Variants in COPG2 observed in about 807,000 individuals in gnomAD.
COPG2 encodes the protein coat protein complex I subunit gamma 2.
A neutral mutation model predicts 46.3 loss-of-function variants in COPG2; 37 were observed. The observed-to-expected ratio is 0.80, with a 90% confidence interval of 0.61 to 1.05. The LOEUF (loss-of-function observed/expected upper bound fraction) is 1.05, where lower values mean the gene tolerates loss of function less well. Among genes scored for constraint, COPG2 ranks in the 50% least tolerant of loss-of-function variants. The pLI, the probability that COPG2 is intolerant of heterozygous loss-of-function variation, is 0.00. For synonymous variants in COPG2, 159 were observed against 129.7 expected (o/e 1.23, Z -1.53); for missense variants, 427 against 387.8 (o/e 1.10, Z -0.85).
At chr7:130,654,912 CT>C (rs1554459682) in intron 4 of COPG2, among the ~76,000 whole-genome samples, 1 of 151,350 alleles carries the variant, frequency 6.6e-6, no homozygotes, top group East Asian at 1.9e-4. Flanking sequence ...TTATATATTT[CT>C]TTTCTTTTTT....
intron 10 of COPG2, among the ~76,000 whole-genome samples, 162 bp from the exon 11 acceptor site, chr7:130,563,498 C>T (rs901289409): frequency 6.6e-6 from 1 of 151,852 alleles, no homozygotes; most frequent in African/African-American, 2.4e-5. Flanking sequence ...TTCCTTATCT[C>T]ATCATATACC....
At chr7:130,516,257 TAAAG>T (rs1330386569) in intron 20 of COPG2, among the ~76,000 whole-genome samples, 3 of 151,844 alleles carry the variant, frequency 2.0e-5, no homozygotes, top group African/African-American at 7.3e-5. Flanking sequence ...TGATGGAAAA[TAAAG>T]AAGCCAGGTT....
At chr7:130,641,600 TTAAC>T (rs1485452151) in intron 5 of COPG2, among the ~76,000 whole-genome samples, 2 of 152,172 alleles carry the variant, frequency 1.3e-5, no homozygotes, top group African/African-American at 2.4e-5. Flanking sequence ...ACTTTTAAAA[TTAAC>T]TAAGTAAGAA....
intron 9 of COPG2, among the ~76,000 whole-genome samples, chr7:130,581,984 T>C (rs1212366043): frequency 6.6e-6 from 1 of 152,044 alleles, no homozygotes; most frequent in Non-Finnish European, 1.5e-5. Context: ...CTTCACAGAA[T>C]TGGAAAAAAC....
At chr7:130,552,658 G>C (rs1310243029) in intron 14 of COPG2, among the ~76,000 whole-genome samples, 1 of 152,060 alleles carries the variant, frequency 6.6e-6, no homozygotes, top group Non-Finnish European at 1.5e-5. Flanking sequence ...TGAGGAAAAA[G>C]ATTCATATAG....
chr7:130,633,674 G>T (rs782088715), intron 5 of COPG2, among the ~76,000 whole-genome samples: 22 of 152,152 alleles, frequency 1.4e-4, no homozygotes, highest in Non-Finnish European at 2.4e-4. Context: ...TAGGTTGCCT[G>T]TTCACTCTGA....
chr7:130,610,400 A>C, intron 9 of COPG2: 1 of 368,218 alleles, frequency 2.7e-6, no homozygotes, highest in Non-Finnish European at 5.3e-6. Context: ...GCCACATAAG[A>C]AATCTTTGTT....
chr7:130,574,877 A>C (rs1793976462), intron 9 of COPG2, among the ~76,000 whole-genome samples: 2 of 152,202 alleles, frequency 1.3e-5, no homozygotes, highest in Admixed American at 1.3e-4. Context: ...AAATTCAGGA[A>C]GCACTGGACA....
chr7:130,660,700 C>A (rs973626894), intron 4 of COPG2, among the ~76,000 whole-genome samples: 4 of 152,150 alleles, frequency 2.6e-5, no homozygotes, highest in Non-Finnish European at 4.4e-5. Context: ...CCTCTTCATT[C>A]CTCGACCTCC....
intron 20 of COPG2, chr7:130,511,377 A>G (rs1554440983): frequency 5.0e-5 from 26 of 519,072 alleles, no homozygotes; most frequent in Non-Finnish European, 1.5e-5. Flanking sequence ...CTGAGAAGCA[A>G]TGGGTGCAGC....
At chr7:130,628,060 ATTATTAATATAAT>A (rs1554454564) in intron 5 of COPG2, among the ~76,000 whole-genome samples, 1 of 152,204 alleles carries the variant, frequency 6.6e-6, no homozygotes, top group Non-Finnish European at 1.5e-5. Context: ...TAGACAATCC[ATTATTAATATAAT>A]TACTGATTAT....
At chr7:130,601,174 C>T (rs1275576768) in intron 9 of COPG2, among the ~76,000 whole-genome samples, 5 of 152,172 alleles carry the variant, frequency 3.3e-5, no homozygotes, top group African/African-American at 1.2e-4. Flanking sequence ...ACAACAGATG[C>T]TGGAGAGGAT....
At chr7:130,629,778 G>T (rs1584592057) in intron 5 of COPG2, among the ~76,000 whole-genome samples, 1 of 152,086 alleles carries the variant, frequency 6.6e-6, no homozygotes, top group Admixed American at 6.5e-5. Flanking sequence ...CTTCTTGTGT[G>T]TCAGTTTAGG....
At chr7:130,614,226 G>C (rs188889708) in intron 6 of COPG2, among the ~76,000 whole-genome samples, 3 of 152,268 alleles carry the variant, frequency 2.0e-5, no homozygotes, top group Admixed American at 2.0e-4. Flanking sequence ...AAAAGACTGA[G>C]AGCAATATTC....
At chr7:130,658,459 G>C (rs1795900139) in intron 4 of COPG2, among the ~76,000 whole-genome samples, 1 of 152,008 alleles carries the variant, frequency 6.6e-6, no homozygotes, top group Non-Finnish European at 1.5e-5. Context: ...CCTCAATTGT[G>C]GTGGTGATAA....
chr7:130,649,417 AAACTAGGCCAT>A (rs1795686374), intron 5 of COPG2, among the ~76,000 whole-genome samples: 1 of 152,218 alleles, frequency 6.6e-6, no homozygotes, highest in Admixed American at 6.5e-5. Flanking sequence ...TGGCAAAAAG[AAACTAGGCCAT>A]AACTAGGCCA....
chr7:130,648,680 C>A (rs1029607100), intron 5 of COPG2, among the ~76,000 whole-genome samples: 3 of 152,216 alleles, frequency 2.0e-5, no homozygotes, highest in African/African-American at 7.2e-5. Context: ...TGGTCCCAAG[C>A]AATTCTGAAA....
At chr7:130,607,850 C>T in intron 9 of COPG2, 1 of 517,362 alleles carries the variant, frequency 1.9e-6, no homozygotes, top group Non-Finnish European at 3.9e-6. Flanking sequence ...AAAAAAACCC[C>T]ACAAATTTCA....
rs1793746659 is a variant in COPG2 at position 130,563,318 on chromosome 7, C to T, written c.890G>A (p.Ser297Asn). The change falls in exon 11 of 24, where the codon AGT (serine) becomes AAT (asparagine). Residue 297 changes from serine to asparagine, a missense_variant. Coordinates refer to ENST00000425248, the MANE Select transcript of COPG2 (RefSeq NM_012133.6). ...PAVSVLQLFC[S>N]SPKPALRYAA... ...ATATCTCAAGGCTGGCTTAGGAGAA[C>T]TACAGAAAAGTTGAAGAACTAAAAA... 1 of 397,706 alleles carries T rather than the reference C, an allele frequency of 2.5e-6. No homozygotes were observed. Among genetic ancestry groups the T allele is most frequent in the Non-Finnish European group, 4.4e-6 (1 of 225,810 alleles). The allele number at this position is 397,706 out of a possible 1,614,324, so 24.6% of individuals were successfully genotyped here. A position where few individuals can be genotyped will look rare whatever the true frequency, so the allele number is the denominator to read the frequency against.
Sources: allele counts gnomAD v4.1 joint callset (sites outside exome capture counted in the v4.1 genomes callset), GRCh38; gene constraint gnomAD v4.1.1; transcripts MANE v1.5; gene names NCBI Gene and HGNC (gene_info 2026-07-23, HGNC 2026-07-21).